The following CDH2 variants were observed in gnomAD, a reference collection of about 807,000 sequenced individuals.
CDH2 encodes the protein cadherin 2, also known as cadherin-2.
A neutral mutation model predicts 92.0 loss-of-function variants in CDH2; 17 were observed. The ratio of observed to expected loss-of-function variants is 0.18; its 90% CI spans 0.13 to 0.28. CDH2 has a LOEUF of 0.28. CDH2 is among the 10% of genes least tolerant of loss of function. The pLI is 1.00. For synonymous variants in CDH2, 419 were observed against 415.9 expected (o/e 1.01, Z -0.09); for missense variants, 862 against 1,133.1 (o/e 0.76, Z 3.44).
Position 28,144,647 on chromosome 18 carries a change from G to C in CDH2, c.172+3026C>G, listed in dbSNP as rs370928423. On this transcript the variant is annotated intron_variant, in intron 2 of 15. Coordinates refer to ENST00000269141, the MANE Select transcript of CDH2 (RefSeq NM_001792.5). ...AAGAGAGGAAAATTAGAAACAACCT[G>C]TATGTTCAAAAATAGAGGCACAGTT... 6.2e-4 allele frequency among the ~76,000 whole-genome samples: 94 copies of C among 152,134 alleles called. No individual in the cohort carries two copies. The South Asian group carries it at 0.013, about 20-fold the overall frequency.
At chr18:28,171,050 A>G (rs1385941696) in intron 1 of CDH2, among the ~76,000 whole-genome samples, 2 of 152,036 alleles carry the variant, frequency 1.3e-5, no homozygotes, top group East Asian at 3.9e-4. Context: ...CCTTGCCAAC[A>G]TGGTGAAACC....
intron 2 of CDH2, among the ~76,000 whole-genome samples, chr18:28,037,775 A>G (rs2144099393): frequency 6.6e-6 from 1 of 152,320 alleles, no homozygotes; most frequent in South Asian, 2.1e-4. Flanking sequence ...GGGACAAACG[A>G]CTCAACTTAA....
At chr18:28,094,600 C>T (rs553494178) in intron 2 of CDH2, among the ~76,000 whole-genome samples, 1 of 151,862 alleles carries the variant, frequency 6.6e-6, no homozygotes, top group African/African-American at 2.4e-5. Context: ...CGAGACCATC[C>T]TGGCTAACAT....
chr18:27,975,853 C>T lies in CDH2; in HGVS notation c.2349+7091G>A, dbSNP rs112648213. Among the ~76,000 whole-genome samples, 317 of 152,220 alleles carry T rather than the reference C, an allele frequency of 2.1e-3. 1 individual carries two copies. Among genetic ancestry groups the T allele is most frequent in the African/African-American group, 7.5e-3 (312 of 41,548 alleles). On this transcript the variant is annotated intron_variant, in intron 14 of 15. Coordinates refer to ENST00000269141, the MANE Select transcript of CDH2 (RefSeq NM_001792.5). Reference sequence around the variant, plus strand: ...TTTATTGAGCAATGAAAGCAGCTCTCAGCAGAGAGGGGAGCTGGAAAGGGG... The same window carrying T: ...TTTATTGAGCAATGAAAGCAGCTCTTAGCAGAGAGGGGAGCTGGAAAGGGG...
In CDH2 at chr18:27,973,965, C is replaced by T. The variant is rs112944496; in HGVS notation, c.2349+8979G>A. 2.1e-3 allele frequency among the ~76,000 whole-genome samples: 317 copies of T among 152,260 alleles called. 1 individual carries two copies. Among genetic ancestry groups the T allele is most frequent in the African/African-American group, 7.5e-3 (312 of 41,556 alleles). ...CTCCTTTCTCCATCCCAAATGCCCACGACCTGAAACCCAGTTAATGTTAAG... is the reference window on the plus strand; with the variant it reads ...CTCCTTTCTCCATCCCAAATGCCCATGACCTGAAACCCAGTTAATGTTAAG... On this transcript the variant is annotated intron_variant, in intron 14 of 15. Transcript: ENST00000269141.
At chr18:28,150,307 C>CA (rs1174584652) in intron 1 of CDH2, among the ~76,000 whole-genome samples, 2 of 152,168 alleles carry the variant, frequency 1.3e-5, no homozygotes, top group African/African-American at 4.8e-5. Flanking sequence ...TGGGGGCGTT[C>CA]AGGGTAGTAG....
At chr18:28,045,924 G>A (rs1244045342) in intron 2 of CDH2, among the ~76,000 whole-genome samples, 1 of 152,176 alleles carries the variant, frequency 6.6e-6, no homozygotes, top group Non-Finnish European at 1.5e-5. Context: ...GGAGTCTGTA[G>A]ACATTCAGCT....
At chr18:28,071,735 GTCC>G (rs1048849838) in intron 2 of CDH2, among the ~76,000 whole-genome samples, 4 of 152,096 alleles carry the variant, frequency 2.6e-5, no homozygotes, top group African/African-American at 9.7e-5. Flanking sequence ...ATGAGCCTAT[GTCC>G]ACTATCCATT....
intron 2 of CDH2, among the ~76,000 whole-genome samples, chr18:28,074,244 A>T (rs1283963292): frequency 6.6e-6 from 1 of 152,204 alleles, no homozygotes; most frequent in Non-Finnish European, 1.5e-5. Context: ...TGAAGGCCTC[A>T]GCTAGTTTGA....
chr18:27,937,937 A>C (rs1909054339), intron 6 of CDH2, among the ~76,000 whole-genome samples: 1 of 152,178 alleles, frequency 6.6e-6, no homozygotes, highest in Admixed American at 6.5e-5. Context: ...TGGTTTGAAT[A>C]TGTGTCTCCA....
intron 14 of CDH2, among the ~76,000 whole-genome samples, chr18:27,981,646 T>C (rs1360358771): frequency 6.6e-6 from 1 of 152,192 alleles, no homozygotes; most frequent in Non-Finnish European, 1.5e-5. Context: ...ACAAAGTTTA[T>C]ACAATAATGG....
At chr18:28,090,478 C>A (rs1246559251) in intron 2 of CDH2, among the ~76,000 whole-genome samples, 1 of 152,160 alleles carries the variant, frequency 6.6e-6, no homozygotes, top group Non-Finnish European at 1.5e-5. Context: ...ATACCACTGG[C>A]TAGCGAGAAC....
At chr18:28,012,063 G>A in intron 3 of CDH2, 71 bp from the exon 4 acceptor site, 3 of 1,287,758 alleles carry the variant, frequency 2.3e-6, no homozygotes, top group Non-Finnish European at 3.3e-6. Flanking sequence ...CAATATTATT[G>A]AATACCTGAA....
intron 13 of CDH2, among the ~76,000 whole-genome samples, chr18:27,983,792 T>C (rs2012136937): frequency 6.6e-6 from 1 of 152,250 alleles, no homozygotes; most frequent in Non-Finnish European, 1.5e-5. Flanking sequence ...TACTTCTTCA[T>C]TGCCATAATC....
chr18:27,991,585 A>G (rs1185325469), intron 9 of CDH2, among the ~76,000 whole-genome samples: 1 of 152,230 alleles, frequency 6.6e-6, no homozygotes, highest in Non-Finnish European at 1.5e-5. Flanking sequence ...CTCTCAGAAC[A>G]CTATGACTAA....
intron 15 of CDH2, among the ~76,000 whole-genome samples, chr18:27,953,514 A>G (rs1001549354): frequency 6.6e-6 from 1 of 152,196 alleles, no homozygotes; most frequent in African/African-American, 2.4e-5. Flanking sequence ...AAGATGTGTC[A>G]CAGACAGTCC....
intron 14 of CDH2, among the ~76,000 whole-genome samples, chr18:27,964,707 C>CTAAG (rs1567940069): frequency 6.6e-6 from 1 of 152,158 alleles, no homozygotes; most frequent in Non-Finnish European, 1.5e-5. Context: ...ACATGTGATA[C>CTAAG]TAAGTTTTAT....
intron 2 of CDH2, among the ~76,000 whole-genome samples, chr18:28,128,320 G>A (rs536594565): frequency 1.4e-4 from 21 of 152,228 alleles, no homozygotes; most frequent in African/African-American, 5.1e-4. Flanking sequence ...AACTCTAGGT[G>A]TACAATATAA....
At chr18:28,001,952 A>G (rs983994141) in intron 7 of CDH2, among the ~76,000 whole-genome samples, 1 of 152,246 alleles carries the variant, frequency 6.6e-6, no homozygotes, top group Non-Finnish European at 1.5e-5. Context: ...TTTGACATAC[A>G]TAATCTAAGT....
Sources: gnomAD v4.1 joint callset for allele counts (sites outside exome capture counted in the v4.1 genomes callset) on GRCh38, gnomAD v4.1.1 for gene constraint, MANE v1.5 for transcripts, NCBI Gene and HGNC (gene_info 2026-07-23, HGNC 2026-07-21) for gene names.